The following SEPTIN7 variants were observed in gnomAD, a reference collection of about 807,000 sequenced individuals.
SEPTIN7 encodes septin 7, also known as septin-7.
Under a neutral mutation model 63.3 loss-of-function variants are expected in SEPTIN7, and 10 were observed. That is an observed-to-expected ratio of 0.16 (90% CI 0.10 to 0.27). The LOEUF is 0.27. SEPTIN7 is among the 10% of genes least tolerant of loss of function. The pLI, the probability that SEPTIN7 is intolerant of heterozygous loss-of-function variation, is 1.00. For synonymous variants in SEPTIN7, 131 were observed against 165.3 expected, an observed-to-expected ratio of 0.79 and a Z score of 1.59; for missense variants, 310 against 521.0, an observed-to-expected ratio of 0.59 and a Z score of 3.94.
At chr7:35,882,431 T>G (rs1786942644) in intron 7 of SEPTIN7, 53 bp from the exon 8 acceptor site, 2 of 1,296,254 alleles carry the variant, frequency 1.5e-6, no homozygotes, top group South Asian at 1.8e-5. Flanking sequence ...AACATAAGAC[T>G]AATATACTAA....
the SEPTIN7 span, among the ~76,000 whole-genome samples, chr7:35,914,666 TATATATAC>T: frequency 1.3e-5 from 2 of 151,058 alleles, no homozygotes; most frequent in African/African-American, 2.4e-5. Flanking sequence ...TCTCTATATA[TATATATAC>T]ACACACACAC....
chr7:35,902,902 G>C, intron 12 of SEPTIN7, 174 bp from the exon 13 acceptor site: 1 of 957,526 alleles, frequency 1.0e-6, no homozygotes, highest in Non-Finnish European at 1.4e-6. Context: ...TTGGGTGGCA[G>C]GTCCTAAAGG....
rs773325569 is a variant in SEPTIN7, at chr7:35,873,626, A to G, written c.378-15A>G. The stretch of plus-strand genomic sequence containing the variant: ...TGTAGAATTGCAGCTTGTTTTGTTT[A>G]TTTGCGTTCTATAGCTGGCAGCCTG... On this transcript the variant is annotated splice_polypyrimidine_tract_variant and intron_variant, in intron 5 of 13. Coordinates refer to ENST00000350320, the MANE Select transcript of SEPTIN7 (RefSeq NM_001788.6). The G allele has an allele frequency of 1.9e-6, 3 of 1,601,788 alleles. No individual in the cohort carries two copies. The highest frequency in any genetic ancestry group is 1.7e-6 in the Non-Finnish European group (2 of 1,174,292).
intron 3 of SEPTIN7, among the ~76,000 whole-genome samples, chr7:35,842,255 T>C (rs924289723): frequency 1.3e-5 from 2 of 152,182 alleles, no homozygotes; most frequent in Non-Finnish European, 2.9e-5. Context: ...TAGAATTATT[T>C]TAAAGATTGG....
chr7:35,815,258 G>A (rs1788985313), intron 1 of SEPTIN7: 1 of 367,748 alleles, frequency 2.7e-6, no homozygotes, highest in Admixed American at 3.5e-5. Flanking sequence ...TAAGAACCAA[G>A]ATCTGGGCAC....
At chr7:35,822,570 C>T (rs752745177) in intron 1 of SEPTIN7, among the ~76,000 whole-genome samples, 4 of 152,126 alleles carry the variant, frequency 2.6e-5, no homozygotes, top group East Asian at 1.9e-4. Context: ...GGCGGTAATA[C>T]GAGAGGCTGG....
At chr7:35,838,670 A>T (rs1324916653) in intron 3 of SEPTIN7, 2 of 152,022 alleles carry the variant, frequency 1.3e-5, no homozygotes, top group South Asian at 4.2e-4. Flanking sequence ...GTGAGCCATT[A>T]TGCCCGACCT....
chr7:35,845,292 C>CAT (rs1308660640), intron 3 of SEPTIN7, among the ~76,000 whole-genome samples: 4 of 151,512 alleles, frequency 2.6e-5, no homozygotes, highest in African/African-American at 9.7e-5. Flanking sequence ...TAATTTTAAA[C>CAT]ATATTTTTAT....
rs148247104 is a variant in SEPTIN7 at position 35,874,454 on chromosome 7, A to T, written c.512+679A>T. ...ATATATGTGTTATTGACAACTGCAG[A>T]ATTTTCCAGTTATTCTTCCTCAGTC... is the stretch of plus-strand genomic sequence containing the variant. On this transcript the variant is annotated intron_variant, in intron 6 of 13. Coordinates refer to ENST00000350320, the MANE Select transcript of SEPTIN7 (RefSeq NM_001788.6). Among the ~76,000 whole-genome samples the T allele has an allele frequency of 9.6e-3, 1,455 of 152,134 alleles. 18 individuals carry two copies. Among genetic ancestry groups the T allele is most frequent in the African/African-American group, 0.027 (1,120 of 41,520 alleles).
intron 11 of SEPTIN7, among the ~76,000 whole-genome samples, chr7:35,893,633 AATCAATTT>A (rs1256340881): frequency 2.6e-5 from 4 of 152,172 alleles, no homozygotes; most frequent in African/African-American, 9.7e-5. Context: ...CATGACTGTG[AATCAATTT>A]ATCTTATATT....
intron 11 of SEPTIN7, among the ~76,000 whole-genome samples, chr7:35,895,055 A>G (rs1787879368): frequency 6.6e-6 from 1 of 151,994 alleles, no homozygotes; most frequent in African/African-American, 2.4e-5. Flanking sequence ...GGCTTTCTTC[A>G]TTTCTTTGTC....
intron 3 of SEPTIN7, chr7:35,848,124 A>G (rs759800810): frequency 8.5e-5 from 13 of 152,082 alleles, no homozygotes; most frequent in Non-Finnish European, 1.3e-4. Flanking sequence ...TGCAAAATCT[A>G]CTTTTTCTGA....
intron 1 of SEPTIN7, among the ~76,000 whole-genome samples, chr7:35,810,101 G>A (rs1330996777): frequency 6.6e-6 from 1 of 152,110 alleles, no homozygotes; most frequent in East Asian, 1.9e-4. Flanking sequence ...CATCCAAGTG[G>A]ACATGTCTTG....
At chr7:35,880,078 T>C (rs1786735929) in intron 7 of SEPTIN7, 138 bp downstream of exon 7, 1 of 595,688 alleles carries the variant, frequency 1.7e-6, no homozygotes, top group Admixed American at 2.9e-5. Context: ...TAGAAATAAC[T>C]CTTCAATCTT....
intron 1 of SEPTIN7, among the ~76,000 whole-genome samples, chr7:35,811,048 C>T (rs1314163040): frequency 6.6e-6 from 1 of 152,152 alleles, no homozygotes; most frequent in Admixed American, 6.5e-5. Flanking sequence ...GGATTACAGG[C>T]ATGAGCCACT....
chr7:35,824,088 A>G (rs1265036248), intron 1 of SEPTIN7, among the ~76,000 whole-genome samples: 1 of 151,580 alleles, frequency 6.6e-6, no homozygotes, highest in Non-Finnish European at 1.5e-5. Flanking sequence ...CTTCAAAGAT[A>G]AGCATTAAAA....
At chr7:35,898,024 A>G (rs1788058153) in intron 11 of SEPTIN7, among the ~76,000 whole-genome samples, 1 of 152,042 alleles carries the variant, frequency 6.6e-6, no homozygotes, top group Admixed American at 6.6e-5. Context: ...TTGGTATGTC[A>G]TCCTTAGGTT....
At chr7:35,814,366 A>G (rs912863258) in intron 1 of SEPTIN7, among the ~76,000 whole-genome samples, 2 of 152,180 alleles carry the variant, frequency 1.3e-5, no homozygotes, top group Non-Finnish European at 2.9e-5. Context: ...GTATTTTCCT[A>G]ATGACTAATG....
intron 1 of SEPTIN7, among the ~76,000 whole-genome samples, chr7:35,807,887 A>G (rs574408497): frequency 6.6e-6 from 1 of 151,820 alleles, no homozygotes; most frequent in African/African-American, 2.4e-5. Context: ...TAGTGGCATG[A>G]TCGTGGCTCA....
Sources: gnomAD v4.1 joint callset for allele counts (sites outside exome capture counted in the v4.1 genomes callset) on GRCh38, gnomAD v4.1.1 for gene constraint, MANE v1.5 for transcripts, NCBI Gene and HGNC (gene_info 2026-07-23, HGNC 2026-07-21) for gene names.